The following RALGAPA2 variants were observed in gnomAD, a reference collection of about 807,000 sequenced individuals.
RALGAPA2 encodes Ral GTPase activating protein catalytic subunit alpha 2.
In RALGAPA2, 139 loss-of-function variants were observed where a neutral mutation model predicts 230.4. The ratio of observed to expected loss-of-function variants is 0.60; its 90% CI spans 0.53 to 0.69. The LOEUF (loss-of-function observed/expected upper bound fraction) is 0.69, where lower values mean the gene tolerates loss of function less well. Among genes scored for constraint, RALGAPA2 ranks in the 30% least tolerant of loss-of-function variants. The pLI is 0.00. For missense variants in RALGAPA2, 2,163 were observed against 2,276.0 expected, an observed-to-expected ratio of 0.95 and a Z score of 1.01; for synonymous variants, 847 against 837.8, an observed-to-expected ratio of 1.01 and a Z score of -0.19.
chr20:20,680,607 A>C (rs1261797901), intron 2 of RALGAPA2, 84 bp downstream of exon 2: 1 of 1,421,912 alleles, frequency 7.0e-7, no homozygotes, highest in Non-Finnish European at 9.2e-7. Context: ...GAAAGCTTAA[A>C]AATGTATAAT....
At chr20:20,416,399 G>A (rs2060165984) in intron 37 of RALGAPA2, among the ~76,000 whole-genome samples, 2 of 152,164 alleles carry the variant, frequency 1.3e-5, no homozygotes, top group South Asian at 4.1e-4. Context: ...AGCTCAGAGA[G>A]TTCAAGAAAT....
rs576661562 is a variant in RALGAPA2 at position 20,480,811 on chromosome 20, T to C, written c.5368-7855A>G. Among the ~76,000 whole-genome samples the C allele has an allele frequency of 6.6e-5, 10 of 152,320 alleles. No homozygotes were observed. The East Asian group carries it at 1.5e-3, about 23-fold the overall frequency. On this transcript the variant is annotated intron_variant, in intron 36 of 39. Coordinates refer to ENST00000202677, the MANE Select transcript of RALGAPA2 (RefSeq NM_020343.4). ...ATCAGAACCTTATAGCAGTATTTCA[T>C]CCTGCTGAGCATGTATATTTCACAA...
chr20:20,583,217 G>T lies in RALGAPA2; in HGVS notation c.2540C>A (p.Thr847Asn), dbSNP rs182262359. The T allele has an allele frequency of 5.1e-4, 825 of 1,603,728 alleles. No individual in the cohort carries two copies. Among genetic ancestry groups the T allele is most frequent in the Non-Finnish European group, 6.6e-4 (772 of 1,176,090 alleles). Reference sequence around the variant, plus strand: ...ACAGCCCAGAGTTGTGTCACTGTTGGTACTTTCACCTGGTACAATGGAAGA... The same window carrying T: ...ACAGCCCAGAGTTGTGTCACTGTTGTTACTTTCACCTGGTACAATGGAAGA... ...KCRERQKSES[T>N]NSDTTLGCTN... The change falls in exon 20 of 40, where the codon ACC (threonine) becomes AAC (asparagine). Residue 847 changes from threonine to asparagine, a missense_variant. By Grantham distance (65) the Thr-to-Asn change is moderately conservative. Coordinates refer to ENST00000202677, the MANE Select transcript of RALGAPA2 (RefSeq NM_020343.4).
intron 1 of RALGAPA2, among the ~76,000 whole-genome samples, chr20:20,710,533 C>G (rs780071865): frequency 3.3e-5 from 5 of 152,106 alleles, no homozygotes; most frequent in Admixed American, 3.3e-4. Context: ...CTGGGCCACT[C>G]CACTAGTAAG....
chr20:20,580,719 G>A lies in RALGAPA2; in HGVS notation c.2707+2331C>T, dbSNP rs372333784. Among the ~76,000 whole-genome samples the A allele has an allele frequency of 7.2e-5, 11 of 152,116 alleles. No homozygotes were observed. In the East Asian group the frequency reaches 1.5e-3, roughly 21 times the overall value. ...CCACATCTGATTAAAACAAATCCCA[G>A]GTAAACTTTAAGACAATGCACAGTA... On this transcript the variant is annotated intron_variant, in intron 20 of 39. Transcript: ENST00000202677.
intron 4 of RALGAPA2, among the ~76,000 whole-genome samples, chr20:20,652,592 T>C (rs2067439196): frequency 6.6e-6 from 1 of 152,196 alleles, no homozygotes; most frequent in Non-Finnish European, 1.5e-5. Flanking sequence ...GATTCCATCA[T>C]AAGGTCACAC....
At chr20:20,527,256 GAAGAT>G (rs1318206283) in intron 27 of RALGAPA2, among the ~76,000 whole-genome samples, 3 of 152,282 alleles carry the variant, frequency 2.0e-5, no homozygotes, top group African/African-American at 7.2e-5. Flanking sequence ...GAATAAGGAA[GAAGAT>G]AAGGGAAAGG....
At chr20:20,503,551 C>A in intron 34 of RALGAPA2, 45 bp from the exon 35 acceptor site, 1 of 1,434,476 alleles carries the variant, frequency 7.0e-7, no homozygotes, top group South Asian at 1.5e-5. Context: ...CAAAAATGAG[C>A]TGCTCTTTCA....
chr20:20,653,506 T>C, intron 4 of RALGAPA2, 24 bp downstream of exon 4: 1 of 1,358,576 alleles, frequency 7.4e-7, no homozygotes, highest in Non-Finnish European at 1.0e-6. Context: ...TTCATATTAC[T>C]AAAAAATTTT....
At chr20:20,700,574 T>C (rs770938526) in intron 1 of RALGAPA2, among the ~76,000 whole-genome samples, 9 of 152,196 alleles carry the variant, frequency 5.9e-5, no homozygotes, top group Non-Finnish European at 1.2e-4. Flanking sequence ...CAATAATGTC[T>C]CTCCAATTTT....
At chr20:20,424,450 A>G (rs2060340081) in intron 37 of RALGAPA2, among the ~76,000 whole-genome samples, 1 of 152,254 alleles carries the variant, frequency 6.6e-6, no homozygotes, top group African/African-American at 2.4e-5. Context: ...TATGAACAAT[A>G]GAAGCCCTGA....
At chr20:20,432,631 T>C (rs2060524625) in intron 37 of RALGAPA2, among the ~76,000 whole-genome samples, 2 of 152,058 alleles carry the variant, frequency 1.3e-5, no homozygotes, top group Non-Finnish European at 2.9e-5. Flanking sequence ...AGAGACTAAA[T>C]AGCAGACTAT....
chr20:20,411,561 A>G (rs1030537403), intron 38 of RALGAPA2, among the ~76,000 whole-genome samples: 7 of 152,210 alleles, frequency 4.6e-5, no homozygotes, highest in Non-Finnish European at 1.0e-4. Context: ...CACTGCTGTA[A>G]TGATGGACCC....
intron 23 of RALGAPA2, 69 bp downstream of exon 23, chr20:20,571,389 T>C (rs1308133311): frequency 6.2e-6 from 9 of 1,443,542 alleles, no homozygotes; most frequent in Non-Finnish European, 8.5e-6. Context: ...TAAATATTAC[T>C]AATGTCTTTA....
At chr20:20,459,013 C>G (rs1052628886) in intron 37 of RALGAPA2, among the ~76,000 whole-genome samples, 1 of 151,716 alleles carries the variant, frequency 6.6e-6, no homozygotes, top group African/African-American at 2.4e-5. Context: ...TGAGCACGAA[C>G]CTGTGATTTA....
chr20:20,446,615 A>G (rs2060869799), intron 37 of RALGAPA2, among the ~76,000 whole-genome samples: 1 of 152,212 alleles, frequency 6.6e-6, no homozygotes, highest in African/African-American at 2.4e-5. Context: ...AAAGAGATGA[A>G]TGACACTGCA....
chr20:20,513,321 G>T, intron 31 of RALGAPA2, 37 bp from the exon 32 acceptor site: 1 of 1,340,040 alleles, frequency 7.5e-7, no homozygotes, highest in African/African-American at 1.5e-5. Context: ...AGAGTCAGTG[G>T]TGAATGAAGA....
chr20:20,471,456 C>T (rs1326981749), intron 37 of RALGAPA2: 1 of 131,108 alleles, frequency 7.6e-6, no homozygotes, highest in African/African-American at 2.9e-5. Context: ...GTCCAACATA[C>T]TTGACTGATG....
At chr20:20,589,634 G>C (rs2065229525) in intron 17 of RALGAPA2, among the ~76,000 whole-genome samples, 1 of 152,022 alleles carries the variant, frequency 6.6e-6, no homozygotes, top group South Asian at 2.1e-4. Context: ...TGTTCGCACA[G>C]GGGAGGGCAA....
Sources: gnomAD v4.1 joint callset for allele counts (sites outside exome capture counted in the v4.1 genomes callset) on GRCh38, gnomAD v4.1.1 for gene constraint, MANE v1.5 for transcripts, NCBI Gene and HGNC (gene_info 2026-07-23, HGNC 2026-07-21) for gene names.